NXNL2: variants seen among roughly 807,000 people sequenced by gnomAD.
NXNL2 encodes the protein nucleoredoxin-like protein 2.
NXNL2 carries 7 observed loss-of-function variants against 11.1 expected under a neutral mutation model. That is an observed-to-expected ratio of 0.63 (90% confidence interval 0.36 to 1.18). The LOEUF (loss-of-function observed/expected upper bound fraction) is 1.18. Among genes scored for constraint, NXNL2 ranks in the 50% most tolerant of loss-of-function variants. The probability of loss-of-function intolerance (pLI) is 0.02; values close to 1 mark genes in which losing one functional copy is unlikely to be tolerated. For synonymous variants in NXNL2, 109 were observed against 101.8 expected (o/e 1.07, Z -0.42); for missense variants, 233 against 217.7 (o/e 1.07, Z -0.44).
At chr9:88,549,052 A>G (rs1408288142), downstream of NXNL2, among the ~76,000 whole-genome samples, 2 of 152,202 alleles carry the variant, frequency 1.3e-5, no homozygotes, top group African/African-American at 4.8e-5. Context: ...ATGCATTTCT[A>G]TTATGATACA....
At chr9:88,563,767 T>C (rs141338647) in intron 1 of NXNL2, among the ~76,000 whole-genome samples, 1 of 152,188 alleles carries the variant, frequency 6.6e-6, no homozygotes, top group East Asian at 1.9e-4. Context: ...TGGCTAGGCG[T>C]TCTCTCGGGA....
intron 1 of NXNL2, among the ~76,000 whole-genome samples, chr9:88,567,390 G>A (rs1295645975): frequency 6.6e-6 from 1 of 152,170 alleles, no homozygotes; most frequent in African/African-American, 2.4e-5. Context: ...GCCCGCCTCA[G>A]CCTCCCAAAG....
intron 1 of NXNL2, among the ~76,000 whole-genome samples, chr9:88,583,593 A>G (rs943777649): frequency 1.3e-5 from 2 of 152,184 alleles, no homozygotes; most frequent in African/African-American, 4.8e-5. Flanking sequence ...TGCTGCTCTG[A>G]TGCTTTGGGA....
chr9:88,541,790 A>C (rs1713752343), intron 1 of NXNL2, among the ~76,000 whole-genome samples: 1 of 152,206 alleles, frequency 6.6e-6, no homozygotes, highest in African/African-American at 2.4e-5. Context: ...AAGCGTTTTT[A>C]AGGCTACAGC....
intron 1 of NXNL2, among the ~76,000 whole-genome samples, chr9:88,542,406 A>G (rs1385240067): frequency 6.6e-6 from 1 of 151,780 alleles, no homozygotes; most frequent in African/African-American, 2.4e-5. Context: ...CTCTGGCCTC[A>G]GCCTCCCAAG....
exon 3 of NXNL2, chr9:88,575,194 G>A (rs763031351): frequency 5.0e-5 from 49 of 982,856 alleles, no homozygotes; most frequent in Non-Finnish European, 5.9e-5. Flanking sequence ...CTGCGAGTCT[G>A]TGCTCATTAA....
chr9:88,564,285 TTATCTATCTATCTATCTATC>T (rs71507766), intron 1 of NXNL2, among the ~76,000 whole-genome samples: 9 of 140,258 alleles, frequency 6.4e-5, no homozygotes, highest in South Asian at 4.7e-4. Flanking sequence ...TATCTATCTA[TTATCTATCTATCTATCTATC>T]TATCTATCTA....
intron 1 of NXNL2, among the ~76,000 whole-genome samples, chr9:88,582,016 C>T (rs79688980): frequency 0.021 from 3,139 of 152,250 alleles, 96 homozygotes; most frequent in African/African-American, 0.066. Flanking sequence ...CTCCTGTCAC[C>T]ACTCCCCACC....
At chr9:88,540,095 G>A (rs912563329) in intron 1 of NXNL2, among the ~76,000 whole-genome samples, 7 of 152,022 alleles carry the variant, frequency 4.6e-5, no homozygotes, top group South Asian at 2.1e-4. Context: ...CACTTTGGGA[G>A]GCCGAGGCGG....
chr9:88,563,139 G>T (rs577468434), intron 1 of NXNL2, among the ~76,000 whole-genome samples: 1 of 152,270 alleles, frequency 6.6e-6, no homozygotes, highest in African/African-American at 2.4e-5. Context: ...CACATATGGG[G>T]TCTGGGGTCA....
intron 1 of NXNL2, among the ~76,000 whole-genome samples, chr9:88,540,085 C>A (rs954033785): frequency 2.6e-5 from 4 of 151,990 alleles, no homozygotes; most frequent in East Asian, 2.0e-4. Context: ...GTAATCCCAG[C>A]ACTTTGGGAG....
intron 1 of NXNL2, among the ~76,000 whole-genome samples, chr9:88,565,862 A>G (rs530508624): frequency 2.0e-5 from 3 of 152,272 alleles, no homozygotes; most frequent in South Asian, 2.1e-4. Flanking sequence ...GTTGTTGTTA[A>G]TAATAGCCAT....
intron 1 of NXNL2, among the ~76,000 whole-genome samples, chr9:88,556,668 G>A (rs979385513): frequency 6.6e-6 from 1 of 152,178 alleles, no homozygotes; most frequent in African/African-American, 2.4e-5. Context: ...TCTATGGCTT[G>A]AAGATCAGGT....
intron 1 of NXNL2, among the ~76,000 whole-genome samples, chr9:88,540,128 C>T (rs895474953): frequency 9.2e-5 from 14 of 151,858 alleles, no homozygotes; most frequent in African/African-American, 1.2e-4. Flanking sequence ...GTCAGGAGAT[C>T]GAAACCATCC....
intron 1 of NXNL2, among the ~76,000 whole-genome samples, chr9:88,551,233 A>G (rs887985794): frequency 6.6e-6 from 1 of 152,082 alleles, no homozygotes; most frequent in Non-Finnish European, 1.5e-5. Flanking sequence ...GAAATGTCTC[A>G]GAGTTATTTT....
At chr9:88,569,360 A>G (rs1830226002) in intron 1 of NXNL2, among the ~76,000 whole-genome samples, 1 of 152,156 alleles carries the variant, frequency 6.6e-6, no homozygotes, top group South Asian at 2.1e-4. Context: ...AACTTTATAT[A>G]TAGAAAAGAA....
At chr9:88,552,661 G>A (rs1829954786) in intron 1 of NXNL2, among the ~76,000 whole-genome samples, 2 of 151,934 alleles carry the variant, frequency 1.3e-5, no homozygotes, top group Admixed American at 1.3e-4. Flanking sequence ...AGTAGAGACG[G>A]GATTTCACCG....
At chr9:88,568,876 C>A (rs1027756540) in intron 1 of NXNL2, among the ~76,000 whole-genome samples, 5 of 152,054 alleles carry the variant, frequency 3.3e-5, no homozygotes, top group African/African-American at 1.2e-4. Flanking sequence ...AGGCTTTGAT[C>A]CAGCAAGAAG....
downstream of NXNL2, among the ~76,000 whole-genome samples, chr9:88,548,602 G>A (rs1489667260): frequency 6.7e-6 from 1 of 149,684 alleles, no homozygotes; most frequent in African/African-American, 2.5e-5. Context: ...GTGGGAGGCT[G>A]AGCCTGGGAG....
Sources: allele counts gnomAD v4.1 joint callset (sites outside exome capture counted in the v4.1 genomes callset), GRCh38; gene constraint gnomAD v4.1.1; transcripts MANE v1.5; gene names NCBI Gene and HGNC (gene_info 2026-07-23, HGNC 2026-07-21).